ROBO2: variants seen among roughly 807,000 people sequenced by gnomAD.
The protein encoded by ROBO2 is roundabout homolog 2.
ROBO2 carries 53 observed loss-of-function variants against 160.8 expected under a neutral mutation model. That is an observed-to-expected ratio of 0.33 (90% CI 0.26 to 0.41). ROBO2 has a LOEUF of 0.41. Among genes scored for constraint, ROBO2 ranks in the 10% least tolerant of loss-of-function variants. The pLI is 1.00. For missense variants in ROBO2, 1,577 were observed against 1,722.4 expected (o/e 0.92, Z 1.49); for synonymous variants, 664 against 611.7 (o/e 1.09, Z -1.26).
At chr3:77,640,096 C>CTTTTTTTTT (rs1559785171) in intron 24 of ROBO2, among the ~76,000 whole-genome samples, 36 of 97,470 alleles carry the variant, frequency 3.7e-4, no homozygotes, top group Non-Finnish European at 4.5e-4. Flanking sequence ...GCAGAGGAAG[C>CTTTTTTTTT]ATTTTTTTTT....
intron 2 of ROBO2, among the ~76,000 whole-genome samples, chr3:75,994,969 G>T (rs1325997725): frequency 7.9e-5 from 12 of 152,200 alleles, no homozygotes. Context: ...CTGCCCTAGA[G>T]ATCTATGGAA....
intron 2 of ROBO2, among the ~76,000 whole-genome samples, chr3:77,348,321 T>C (rs1472966056): frequency 6.6e-6 from 1 of 152,148 alleles, no homozygotes; most frequent in Non-Finnish European, 1.5e-5. Flanking sequence ...ATCCTCCCCT[T>C]TTTAGACCAT....
intron 2 of ROBO2, among the ~76,000 whole-genome samples, chr3:76,465,929 C>T (rs2078334978): frequency 6.6e-6 from 1 of 151,440 alleles, no homozygotes; most frequent in African/African-American, 2.4e-5. Context: ...CCCTTTTTTC[C>T]TACCATACAT....
chr3:77,107,297 C>G (rs2072939824), intron 2 of ROBO2, among the ~76,000 whole-genome samples: 1 of 152,064 alleles, frequency 6.6e-6, no homozygotes, highest in South Asian at 2.1e-4. Flanking sequence ...ACAGCTCTGG[C>G]CTTTGGAGAG....
intron 2 of ROBO2, among the ~76,000 whole-genome samples, chr3:77,349,503 A>C (rs1029844265): frequency 1.3e-5 from 2 of 152,176 alleles, no homozygotes; most frequent in Non-Finnish European, 1.5e-5. Flanking sequence ...TCGACGTGTA[A>C]TGAGTCACTT....
chr3:77,636,086 T>G (rs1461984070), intron 24 of ROBO2, among the ~76,000 whole-genome samples: 1 of 152,112 alleles, frequency 6.6e-6, no homozygotes, highest in Non-Finnish European at 1.5e-5. Context: ...CATCATCGAA[T>G]CACCTGCCAA....
intron 2 of ROBO2, among the ~76,000 whole-genome samples, chr3:76,984,762 A>G (rs1365010659): frequency 6.6e-6 from 1 of 152,186 alleles, no homozygotes; most frequent in Non-Finnish European, 1.5e-5. Flanking sequence ...AAAAAAAATG[A>G]GAGTAGAGAA....
At chr3:76,689,602 A>G (rs1428139122) in intron 2 of ROBO2, among the ~76,000 whole-genome samples, 1 of 152,134 alleles carries the variant, frequency 6.6e-6, no homozygotes, top group Non-Finnish European at 1.5e-5. Flanking sequence ...CAAAAAAGAA[A>G]ATGTAGGAAA....
chr3:77,578,743 T>G (rs984391333), intron 15 of ROBO2, among the ~76,000 whole-genome samples: 5 of 152,100 alleles, frequency 3.3e-5, no homozygotes, highest in African/African-American at 1.2e-4. Flanking sequence ...GGACATTGTT[T>G]TAACAGAGTA....
At chr3:76,593,678 A>G (rs10511050) in intron 2 of ROBO2, among the ~76,000 whole-genome samples, 3,626 of 152,112 alleles carry the variant, frequency 0.024, 70 homozygotes, top group Non-Finnish European at 0.034. Flanking sequence ...TTTTTTCAGA[A>G]ACACTAGTAA....
At chr3:76,847,324 C>T (rs1463017866) in intron 2 of ROBO2, among the ~76,000 whole-genome samples, 4 of 152,090 alleles carry the variant, frequency 2.6e-5, no homozygotes, top group South Asian at 2.1e-4. Context: ...AATGGTTTAC[C>T]TTGTCTCTAG....
chr3:76,231,744 T>C (rs1443544788), intron 2 of ROBO2, among the ~76,000 whole-genome samples: 1 of 152,206 alleles, frequency 6.6e-6, no homozygotes, highest in Non-Finnish European at 1.5e-5. Context: ...AGCAATCTTC[T>C]GTATAGAGGT....
At chr3:77,513,729 A>G (rs2089681402) in intron 5 of ROBO2, among the ~76,000 whole-genome samples, 1 of 151,744 alleles carries the variant, frequency 6.6e-6, no homozygotes, top group African/African-American at 2.4e-5. Context: ...TCCTTGAGAA[A>G]AAAACCCTGC....
At chr3:76,297,522 A>G (rs768021635) in intron 2 of ROBO2, among the ~76,000 whole-genome samples, 2 of 152,096 alleles carry the variant, frequency 1.3e-5, no homozygotes, top group African/African-American at 2.4e-5. Context: ...AACCATACCC[A>G]TGTTTCACAG....
chr3:76,522,571 G>A (rs1465009841), intron 2 of ROBO2, among the ~76,000 whole-genome samples: 1 of 152,090 alleles, frequency 6.6e-6, no homozygotes, highest in Non-Finnish European at 1.5e-5. Context: ...TTTAAGTACA[G>A]AAATAAGTTA....
intron 2 of ROBO2, among the ~76,000 whole-genome samples, chr3:76,979,103 T>C (rs2059960161): frequency 6.6e-6 from 1 of 151,970 alleles, no homozygotes; most frequent in Admixed American, 6.6e-5. Context: ...GCACCACACC[T>C]GGATATTTTT....
intron 2 of ROBO2, among the ~76,000 whole-genome samples, chr3:76,593,353 T>C (rs762808709): frequency 4.6e-5 from 7 of 152,064 alleles, no homozygotes; most frequent in Non-Finnish European, 8.8e-5. Flanking sequence ...ATTCCAAGCA[T>C]GCCTAAAAAA....
intron 2 of ROBO2, among the ~76,000 whole-genome samples, chr3:76,459,574 A>G (rs981813086): frequency 2.0e-5 from 3 of 152,156 alleles, no homozygotes; most frequent in Non-Finnish European, 4.4e-5. Context: ...TGCGTGGTAT[A>G]GCAAATAGCT....
At chr3:76,617,413 T>C (rs10212562) in intron 2 of ROBO2, among the ~76,000 whole-genome samples, 114,461 of 152,110 alleles carry the variant, frequency 0.75, 43,692 homozygotes, top group South Asian at 0.91. Context: ...AAAGAATCTT[T>C]CTGAAACTTA....
Sources: allele counts gnomAD v4.1 joint callset (sites outside exome capture counted in the v4.1 genomes callset), GRCh38; gene constraint gnomAD v4.1.1; transcripts MANE v1.5; gene names NCBI Gene and HGNC (gene_info 2026-07-23, HGNC 2026-07-21).